Variants in ZNF883 observed in about 807,000 individuals in gnomAD.
ZNF883 encodes the protein zinc finger protein 883.
At chr9:113,000,800 A>C (rs1278088555), upstream of ZNF883, among the ~76,000 whole-genome samples, 2 of 152,142 alleles carry the variant, frequency 1.3e-5, no homozygotes, top group African/African-American at 4.8e-5. Context: ...AAGCAGGGGA[A>C]TATATGGGGA....
At chr9:113,008,043 A>G (rs1828496049) in intron 2 of ZNF883, among the ~76,000 whole-genome samples, 1 of 151,428 alleles carries the variant, frequency 6.6e-6, no homozygotes, top group African/African-American at 2.4e-5. Context: ...GCAATGAGCC[A>G]TTCAAATGAC....
exon 1 of ZNF883, chr9:112,997,664 T>C: frequency 6.2e-7 from 1 of 1,613,028 alleles, no homozygotes; most frequent in African/African-American, 1.3e-5. Flanking sequence ...GGTTCTCTGA[T>C]GTCGGATTAG....
intron 2 of ZNF883, among the ~76,000 whole-genome samples, chr9:113,008,503 T>C (rs1279908814): frequency 6.6e-6 from 1 of 152,212 alleles, no homozygotes; most frequent in Non-Finnish European, 1.5e-5. Flanking sequence ...GAAGTTCCTT[T>C]CAACTCAAGA....
At position 112,998,027 on chromosome 9, in the gene ZNF883, AAAGCTTT is replaced by A. The variant is rs764214753; in HGVS notation, n.226_232del. 26 of 1,613,812 alleles carry A rather than the reference AAAGCTTT, an allele frequency of 1.6e-5. No individual in the cohort carries two copies. In the East Asian group the frequency reaches 5.6e-4, roughly 35 times the overall value. ...CTGAATAAGATTAGTGCTCTGACTAAAAGCTTTCCCACATTCATTACATTCATAAGGT... is the reference window on the plus strand; with the variant it reads ...CTGAATAAGATTAGTGCTCTGACTAACCCACATTCATTACATTCATAAGGT... On this transcript the variant is annotated non_coding_transcript_exon_variant, in exon 1 of 1. Transcript: ENST00000639662.
At chr9:112,993,589 G>A (rs375590187), downstream of ZNF883, among the ~76,000 whole-genome samples, 19 of 152,356 alleles carry the variant, frequency 1.2e-4, no homozygotes, top group East Asian at 3.1e-3. Context: ...GAGGAGGTGT[G>A]CTATGCTGGG....
chr9:113,010,771 A>G (rs1408900067), intron 2 of ZNF883, among the ~76,000 whole-genome samples: 1 of 152,110 alleles, frequency 6.6e-6, no homozygotes, highest in Non-Finnish European at 1.5e-5. Context: ...GCAGATCACG[A>G]GGTCAGGAGT....
chr9:113,000,168 CT>C (rs1828409591), upstream of ZNF883, among the ~76,000 whole-genome samples: 1 of 152,024 alleles, frequency 6.6e-6, no homozygotes, highest in African/African-American at 2.4e-5. Context: ...GAAATGGTAG[CT>C]TTGAGACAAA....
chr9:113,006,038 A>G (rs1006208011), intron 2 of ZNF883, among the ~76,000 whole-genome samples: 5 of 152,006 alleles, frequency 3.3e-5, no homozygotes, highest in Admixed American at 2.6e-4. Flanking sequence ...GATCCTGCCA[A>G]TAAGAGGCAT....
chr9:112,997,683 T>G, exon 1 of ZNF883: 1 of 1,612,920 alleles, frequency 6.2e-7, no homozygotes, highest in South Asian at 1.1e-5. Flanking sequence ...AGTGATGTAC[T>G]GTGGCAAAAA....
At chr9:112,999,807 A>C (rs1828405258), upstream of ZNF883, 1 of 152,260 alleles carries the variant, frequency 6.6e-6, no homozygotes, top group Non-Finnish European at 1.5e-5. Context: ...CTTGATGTGT[A>C]GACCAATCTA....
downstream of ZNF883, among the ~76,000 whole-genome samples, chr9:112,994,307 G>C (rs149846842): frequency 4.0e-5 from 6 of 151,822 alleles, no homozygotes; most frequent in East Asian, 5.8e-4. Flanking sequence ...CTCACTCTCC[G>C]TGCTTTTCCT....
chr9:113,005,314 T>C (rs1336885386), intron 2 of ZNF883, among the ~76,000 whole-genome samples: 1 of 152,164 alleles, frequency 6.6e-6, no homozygotes, highest in Non-Finnish European at 1.5e-5. Context: ...ATATAGTTTC[T>C]ACAAATCAAA....
chr9:113,010,728 C>G (rs1340814899), intron 2 of ZNF883, among the ~76,000 whole-genome samples: 1 of 152,138 alleles, frequency 6.6e-6, no homozygotes, highest in Non-Finnish European at 1.5e-5. Flanking sequence ...TGACTCACAC[C>G]TGTAATCCCA....
exon 1 of ZNF883, chr9:112,998,072 T>C (rs779567546): frequency 5.6e-6 from 9 of 1,614,066 alleles, no homozygotes; most frequent in Non-Finnish European, 7.6e-6. Context: ...CTCTCCAGTA[T>C]GTATTCTTTG....
intron 2 of ZNF883, among the ~76,000 whole-genome samples, chr9:113,005,642 AAAC>A (rs1828467752): frequency 6.6e-6 from 1 of 152,228 alleles, no homozygotes; most frequent in Non-Finnish European, 1.5e-5. Flanking sequence ...TTTGAGTCAT[AAAC>A]ATTGTTAATA....
rs147914187 is a variant in ZNF883 at position 112,988,473 on chromosome 9, G to A, written n.310-4894C>T. On this transcript the variant is annotated intron_variant and non_coding_transcript_variant, in intron 1 of 9. Transcript: ENST00000638823. The stretch of plus-strand genomic sequence containing the variant: ...CCATCCACAGCCCTGCAAAGGACAC[G>A]ATCTGTTTCCTTTTTATGGCTGCAT... 4.6e-3 allele frequency among the ~76,000 whole-genome samples: 696 copies of A among 152,246 alleles called. 5 individuals are homozygous for A. Among genetic ancestry groups the A allele is most frequent in the African/African-American group, 0.015 (641 of 41,532 alleles).
upstream of ZNF883, chr9:112,998,314 A>T: frequency 7.3e-7 from 1 of 1,378,474 alleles, no homozygotes; most frequent in Non-Finnish European, 9.5e-7. Context: ...GTCGGTATGT[A>T]ATAGGTGTTG....
downstream of ZNF883, among the ~76,000 whole-genome samples, chr9:112,994,335 C>T (rs1828329172): frequency 6.6e-6 from 1 of 151,944 alleles, no homozygotes; most frequent in South Asian, 2.1e-4. Context: ...CATGCTTTTC[C>T]TCACTCTCCA....
At chr9:113,011,722 C>T (rs558187950) in intron 1 of ZNF883, among the ~76,000 whole-genome samples, 4 of 152,122 alleles carry the variant, frequency 2.6e-5, no homozygotes, top group African/African-American at 9.7e-5. Context: ...CTAGTTGGCA[C>T]TAAATACGTA....
Sources: gnomAD v4.1 joint callset for allele counts (sites outside exome capture counted in the v4.1 genomes callset) on GRCh38, gnomAD v4.1.1 for gene constraint, MANE v1.5 for transcripts, NCBI Gene and HGNC (gene_info 2026-07-23, HGNC 2026-07-21) for gene names.